Variants in NT5C1B observed in about 807,000 individuals in gnomAD.
NT5C1B encodes the protein 5'-nucleotidase, cytosolic IB, also known as cytosolic 5'-nucleotidase 1B.
Under a neutral mutation model 57.8 loss-of-function variants are expected in NT5C1B, and 44 were observed. That is an observed-to-expected ratio of 0.76 (90% CI 0.60 to 0.98). The LOEUF (loss-of-function observed/expected upper bound fraction) is 0.98. Ranked by LOEUF, NT5C1B falls within the 50% of genes least tolerant of loss-of-function variation. The pLI is 0.00. For synonymous variants in NT5C1B, 284 were observed against 282.6 expected, an observed-to-expected ratio of 1.00 and a Z score of -0.05; for missense variants, 742 against 719.5, an observed-to-expected ratio of 1.03 and a Z score of -0.36.
intron 2 of NT5C1B, chr2:18,587,241 G>C: frequency 6.5e-7 from 1 of 1,534,354 alleles, no homozygotes; most frequent in Non-Finnish European, 8.8e-7. Context: ...TTTGAACAAA[G>C]ACCAGTCTCC....
At chr2:18,578,618 C>A (rs1280210100) in intron 6 of NT5C1B, among the ~76,000 whole-genome samples, 1 of 151,882 alleles carries the variant, frequency 6.6e-6, no homozygotes, top group African/African-American at 2.4e-5. Flanking sequence ...TCATGTTAAT[C>A]CCCTCCCCAA....
At chr2:18,574,521 A>G (rs1306044095) in intron 8 of NT5C1B, among the ~76,000 whole-genome samples, 2 of 152,122 alleles carry the variant, frequency 1.3e-5, no homozygotes, top group African/African-American at 4.8e-5. Flanking sequence ...TGAAAGAGCT[A>G]TGTAAACTGC....
At chr2:18,580,797 A>T (rs1203461990) in intron 6 of NT5C1B, among the ~76,000 whole-genome samples, 1 of 152,224 alleles carries the variant, frequency 6.6e-6, no homozygotes, top group South Asian at 2.1e-4. Flanking sequence ...AGCAACATGG[A>T]TGGAGCTGGA....
At chr2:18,588,840 G>A (rs1184368472) in intron 1 of NT5C1B, among the ~76,000 whole-genome samples, 1 of 152,104 alleles carries the variant, frequency 6.6e-6, no homozygotes, top group African/African-American at 2.4e-5. Flanking sequence ...GGAGCCTCAT[G>A]ATGTTTTCCT....
intron 8 of NT5C1B, among the ~76,000 whole-genome samples, chr2:18,564,460 T>G (rs1664455867): frequency 6.6e-6 from 1 of 152,354 alleles, no homozygotes; most frequent in East Asian, 1.9e-4. Context: ...AGGGTCACTC[T>G]AAATAAACTC....
At chr2:18,564,426 ACTATC>A (rs1208058293) in intron 8 of NT5C1B, among the ~76,000 whole-genome samples, 1 of 152,206 alleles carries the variant, frequency 6.6e-6, no homozygotes, top group Non-Finnish European at 1.5e-5. Flanking sequence ...ACAGACATAA[ACTATC>A]CATGGTAAGC....
At chr2:18,574,141 C>T (rs943219650) in intron 8 of NT5C1B, among the ~76,000 whole-genome samples, 9 of 151,970 alleles carry the variant, frequency 5.9e-5, no homozygotes, top group Non-Finnish European at 1.2e-4. Flanking sequence ...ACAAATTAAG[C>T]TGGTTAAAAA....
In NT5C1B at chr2:18,586,340, G is replaced by T. The variant is rs752112948; in HGVS notation, c.172C>A (p.Arg58Ser). Residue 58 changes from arginine to serine, a missense_variant, in exon 3 of 9, where the codon CGC becomes AGC. By Grantham distance (110) the Arg-to-Ser change is moderately radical. Coordinates refer to ENST00000304081, the Ensembl canonical transcript of NT5C1B. Reference sequence around the variant, plus strand: ...CGGGATATTCTAGACCATTGACTGCGCACAAGGTACCCTCGAGAGTCTGTC... The same window carrying T: ...CGGGATATTCTAGACCATTGACTGCTCACAAGGTACCCTCGAGAGTCTGTC... 12 of 1,613,972 alleles carry T rather than the reference G, an allele frequency of 7.4e-6. No homozygotes were observed. The East Asian group carries it at 2.2e-4, about 30-fold the overall frequency.
intron 5 of NT5C1B, chr2:18,583,340 C>T (rs931381806): frequency 1.6e-5 from 3 of 182,950 alleles, no homozygotes; most frequent in African/African-American, 7.1e-5. Flanking sequence ...TTTTATCGAT[C>T]ATCTAATGAT....
intron 8 of NT5C1B, among the ~76,000 whole-genome samples, chr2:18,565,255 G>T (rs1205092652): frequency 6.6e-6 from 1 of 151,932 alleles, no homozygotes; most frequent in Admixed American, 6.6e-5. Context: ...CATTTGTACG[G>T]TTGTTTTAGT....
intron 2 of NT5C1B, chr2:18,587,193 G>C: frequency 2.5e-6 from 4 of 1,606,114 alleles, no homozygotes; most frequent in Non-Finnish European, 3.4e-6. Context: ...TGTGCAGAAA[G>C]TGGTCAATGC....
intron 6 of NT5C1B, among the ~76,000 whole-genome samples, chr2:18,581,979 G>A (rs560980224): frequency 1.6e-4 from 24 of 152,284 alleles, no homozygotes; most frequent in Admixed American, 3.3e-4. Flanking sequence ...ATAGGTCAGC[G>A]TGGTGAGGGA....
In NT5C1B at chr2:18,583,956, G is replaced by A. The variant is rs138097191; in HGVS notation, c.891+132C>T. The A allele has an allele frequency of 5.5e-4, 841 of 1,521,222 alleles. 6 individuals are homozygous for A. The African/African-American group carries it at 9.9e-3, about 18-fold the overall frequency. 94.2% of individuals were successfully genotyped at this position (1,521,222 alleles called of 1,614,324 possible). A position where few individuals can be genotyped will look rare whatever the true frequency, so the allele number is the denominator to read the frequency against. On this transcript the variant is annotated intron_variant, in intron 5 of 8. Transcript: ENST00000304081. ...CGAAATCATAAACTGACCTGGGTCA[G>A]CTAGAAGGAGACAAGAATGACAAGG...
intron 2 of NT5C1B, chr2:18,586,871 A>G (rs973207196): frequency 4.1e-5 from 62 of 1,498,096 alleles, no homozygotes; most frequent in South Asian, 1.7e-4. Context: ...TTCTTTTAGG[A>G]GAAACAAGAA....
rs534952559 is a variant in NT5C1B at position 18,563,216 on chromosome 2, A to G, written c.*580T>C. 18 of 152,278 alleles carry G rather than the reference A, an allele frequency of 1.2e-4. No homozygotes were observed. The East Asian group carries it at 3.5e-3, about 29-fold the overall frequency. The allele number at this position is 152,278 out of a possible 1,614,324, so 9.4% of individuals were successfully genotyped here. A position where few individuals can be genotyped will look rare whatever the true frequency, so the allele number is the denominator to read the frequency against. ...TCTTAGGGGTTTCTGTTTAAGGCTT[A>G]TCTTAGAAAGTACCCTGGAGGAACA... On this transcript the variant is annotated 3_prime_UTR_variant, in exon 9 of 9. Coordinates refer to ENST00000304081, the Ensembl canonical transcript of NT5C1B.
intron 8 of NT5C1B, among the ~76,000 whole-genome samples, chr2:18,573,161 T>C (rs1231331984): frequency 6.6e-6 from 1 of 152,154 alleles, no homozygotes; most frequent in East Asian, 1.9e-4. Context: ...TGCATTATGC[T>C]ATGATAAATA....
intron 6 of NT5C1B, 92 bp downstream of exon 6, chr2:18,582,776 T>C: frequency 1.3e-6 from 2 of 1,525,688 alleles, no homozygotes; most frequent in South Asian, 1.3e-5. Context: ...TCAAAGACAC[T>C]GCATTTGGTT....
Position 18,584,326 on chromosome 2 carries a change from GGTAGGGTGAGA to G in NT5C1B, c.724-82_724-72del. 6.3e-7 allele frequency: 1 copy of G among 1,576,872 alleles called. No homozygotes were observed. The highest frequency in any genetic ancestry group is 8.6e-7 in the Non-Finnish European group (1 of 1,161,512). ...GAGGACAGGGTTGGGGCTCCTCCAG[GGTAGGGTGAGA>G]GTAGGACAGCGGGCCCCTGCTTGGA... On this transcript the variant is annotated intron_variant, in intron 4 of 8. Coordinates refer to ENST00000304081, the Ensembl canonical transcript of NT5C1B. The surrounding 1 kb of genome is among the most constrained non-coding windows in gnomAD (Gnocchi z 5.8).
chr2:18,568,087 G>GACAC (rs3046807), intron 8 of NT5C1B, among the ~76,000 whole-genome samples: 18,969 of 142,420 alleles, frequency 0.13, 1,232 homozygotes, highest in Admixed American at 0.17. Flanking sequence ...AATGCTGTGG[G>GACAC]ACACACACAC....
Sources: gnomAD v4.1 joint callset for allele counts (sites outside exome capture counted in the v4.1 genomes callset) on GRCh38, gnomAD v4.1.1 for gene constraint, Gnocchi (gnomAD v3.1) non-coding constraint, MANE v1.5 for transcripts, NCBI Gene and HGNC (gene_info 2026-07-23, HGNC 2026-07-21) for gene names.